GTF2IRD1: variants seen among roughly 807,000 people sequenced by gnomAD.
GTF2IRD1 encodes the protein GTF2I repeat domain containing 1.
Under a neutral mutation model 113.2 loss-of-function variants are expected in GTF2IRD1, and 26 were observed. That is an observed-to-expected ratio of 0.23 (90% CI 0.17 to 0.32). GTF2IRD1 has a LOEUF of 0.32. GTF2IRD1 is among the 10% of genes least tolerant of loss of function. The pLI, the probability that GTF2IRD1 is intolerant of heterozygous loss-of-function variation, is 1.00. For synonymous variants in GTF2IRD1, 484 were observed against 529.1 expected (o/e 0.91, Z 1.17); for missense variants, 864 against 1,280.8 (o/e 0.67, Z 4.97).
intron 1 of GTF2IRD1, among the ~76,000 whole-genome samples, chr7:74,478,600 C>T (rs956957600): frequency 1.1e-4 from 16 of 152,278 alleles, no homozygotes; most frequent in Middle Eastern, 3.4e-3. Flanking sequence ...GGATTACAGG[C>T]ACATGCCACC....
chr7:74,600,477 G>A (rs2131086840), intron 25 of GTF2IRD1, among the ~76,000 whole-genome samples: 1 of 152,222 alleles, frequency 6.6e-6, no homozygotes, highest in Admixed American at 6.6e-5. Context: ...GGGAGGCCGA[G>A]GTGGATGGAT....
At chr7:74,482,625 A>G (rs547783362) in intron 1 of GTF2IRD1, among the ~76,000 whole-genome samples, 1 of 152,270 alleles carries the variant, frequency 6.6e-6, no homozygotes, top group Non-Finnish European at 1.5e-5. Flanking sequence ...CAGCACCCAG[A>G]TCAAGAAACA....
chr7:74,557,861 G>T, intron 20 of GTF2IRD1, 139 bp downstream of exon 20: 1 of 607,920 alleles, frequency 1.6e-6, no homozygotes, highest in Non-Finnish European at 2.9e-6. Flanking sequence ...TATACTACGT[G>T]CCAGGCACTG....
intron 22 of GTF2IRD1, among the ~76,000 whole-genome samples, chr7:74,584,218 T>C (rs587653799): frequency 1.3e-5 from 2 of 152,152 alleles, no homozygotes; most frequent in Admixed American, 1.3e-4. Context: ...CCAAGCCAGG[T>C]GGATCACCTG....
intron 1 of GTF2IRD1, among the ~76,000 whole-genome samples, chr7:74,488,635 G>A (rs998894009): frequency 6.6e-6 from 1 of 151,974 alleles, no homozygotes; most frequent in African/African-American, 2.4e-5. Context: ...GCAGGCGCCC[G>A]TAGTCCCAGC....
intron 1 of GTF2IRD1, among the ~76,000 whole-genome samples, chr7:74,480,544 C>T (rs1214898249): frequency 1.3e-5 from 2 of 152,184 alleles, no homozygotes; most frequent in South Asian, 2.1e-4. Context: ...GCCATAGGCA[C>T]GCAGGCCCGC....
chr7:74,592,317 CT>C (rs1433866728), intron 24 of GTF2IRD1, among the ~76,000 whole-genome samples: 2 of 151,664 alleles, frequency 1.3e-5, no homozygotes, highest in African/African-American at 4.8e-5. Context: ...ATTGGTCAGG[CT>C]GGTCTCAAAC....
At chr7:74,470,244 C>T (rs1178606779) in intron 1 of GTF2IRD1, among the ~76,000 whole-genome samples, 1 of 152,174 alleles carries the variant, frequency 6.6e-6, no homozygotes, top group African/African-American at 2.4e-5. Context: ...TTCAGCCTCT[C>T]AAAGTGCTGA....
At chr7:74,564,972 C>T (rs1181119142) in intron 22 of GTF2IRD1, among the ~76,000 whole-genome samples, 1 of 151,948 alleles carries the variant, frequency 6.6e-6, no homozygotes, top group Non-Finnish European at 1.5e-5. Context: ...GTCAAGGGAG[C>T]TGTGGGCCAG....
chr7:74,483,081 G>A (rs1276579065), intron 1 of GTF2IRD1, among the ~76,000 whole-genome samples: 1 of 152,238 alleles, frequency 6.6e-6, no homozygotes, highest in Non-Finnish European at 1.5e-5. Flanking sequence ...CCTGGGTTGG[G>A]TGTGCAGAGA....
At chr7:74,597,125 C>T (rs1304874849) in intron 25 of GTF2IRD1, among the ~76,000 whole-genome samples, 2 of 151,774 alleles carry the variant, frequency 1.3e-5, no homozygotes, top group African/African-American at 2.4e-5. Context: ...TCACTGCAAC[C>T]TCCGACTCCC....
At chr7:74,559,093 G>A (rs1554358241) in intron 21 of GTF2IRD1, 49 bp downstream of exon 21, 1 of 1,516,440 alleles carries the variant, frequency 6.6e-7, no homozygotes, top group Non-Finnish European at 9.1e-7. Context: ...AGCTCAGATG[G>A]GAGCTTGCAC....
intron 7 of GTF2IRD1, among the ~76,000 whole-genome samples, chr7:74,522,107 G>A (rs1414755065): frequency 2.6e-5 from 4 of 152,140 alleles, no homozygotes; most frequent in African/African-American, 7.2e-5. Flanking sequence ...AGAGAGGAAC[G>A]AGGAAGCCAC....
chr7:74,561,473 G>A (rs1207628685), intron 22 of GTF2IRD1, among the ~76,000 whole-genome samples: 1 of 152,052 alleles, frequency 6.6e-6, no homozygotes, highest in African/African-American at 2.4e-5. Context: ...GAGTAAGGAT[G>A]GCCCTGCTTG....
intron 22 of GTF2IRD1, among the ~76,000 whole-genome samples, chr7:74,560,991 A>G (rs1470178679): frequency 6.6e-6 from 1 of 152,150 alleles, no homozygotes; most frequent in East Asian, 1.9e-4. Flanking sequence ...TCCCAAACCC[A>G]GATTTGCAGG....
intron 1 of GTF2IRD1, among the ~76,000 whole-genome samples, chr7:74,483,820 A>G (rs1236648070): frequency 6.6e-6 from 1 of 152,140 alleles, no homozygotes; most frequent in Admixed American, 6.6e-5. Context: ...ACGCCATTGC[A>G]TTCCAGCCTA....
chr7:74,590,918 A>G lies in GTF2IRD1; in HGVS notation c.2492A>G (p.Asp831Gly), dbSNP rs782812850. The G allele has an allele frequency of 5.0e-6, 8 of 1,613,526 alleles. No homozygotes were observed. In the Admixed American group the frequency reaches 6.7e-5, roughly 13 times the overall value. The part of the protein sequence containing the change: ...DAVEVTGLPD[D>G]IPFRNPNTYD... ...GTGGAGGTCACGGGTCTGCCTGATG[A>G]CATCCCCTTCCGGAACCCCAACACG... The change falls in exon 24 of 27, where the codon GAC (aspartate) becomes GGC (glycine). Residue 831 changes from aspartate to glycine, a missense_variant. Asp to Gly is a moderately conservative substitution (Grantham distance 94, BLOSUM62 -1). Coordinates refer to ENST00000424337, the MANE Select transcript of GTF2IRD1 (RefSeq NM_005685.4).
At chr7:74,546,086 G>GCCCTCCGCCCTCACCCTCAT (rs1423900776) in intron 16 of GTF2IRD1, among the ~76,000 whole-genome samples, 1 of 151,898 alleles carries the variant, frequency 6.6e-6, no homozygotes, top group Non-Finnish European at 1.5e-5. Context: ...CCAGCCCTCA[G>GCCCTCCGCCCTCACCCTCAT]CCCTCCGCCC....
chr7:74,588,338 C>T (rs1178954778), intron 22 of GTF2IRD1, among the ~76,000 whole-genome samples: 1 of 151,670 alleles, frequency 6.6e-6, no homozygotes, highest in African/African-American at 2.4e-5. Context: ...AAACTCCTGA[C>T]CTCTGGTGAT....
Sources: allele counts gnomAD v4.1 joint callset (sites outside exome capture counted in the v4.1 genomes callset), GRCh38; gene constraint gnomAD v4.1.1; transcripts MANE v1.5; gene names NCBI Gene and HGNC (gene_info 2026-07-23, HGNC 2026-07-21).